The following UTRN variants were observed in gnomAD, a reference collection of about 807,000 sequenced individuals.
The protein encoded by UTRN is utrophin.
In UTRN, 283 loss-of-function variants were observed where a neutral mutation model predicts 463.9. That is an observed-to-expected ratio of 0.61 (90% CI 0.55 to 0.67). The LOEUF (loss-of-function observed/expected upper bound fraction) is 0.67, where lower values mean the gene tolerates loss of function less well. Among genes scored for constraint, UTRN ranks in the 30% least tolerant of loss-of-function variants. UTRN has a pLI of 0.00. For synonymous variants in UTRN, 1,442 were observed against 1,431.5 expected (o/e 1.01, Z -0.17); for missense variants, 3,922 against 4,084.3 (o/e 0.96, Z 1.08).
At chr6:144,815,653 G>A (rs146890894) in intron 65 of UTRN, among the ~76,000 whole-genome samples, 1,626 of 152,320 alleles carry the variant, frequency 0.011, 38 homozygotes, top group East Asian at 0.059. Context: ...AGAAGACTCA[G>A]CAAGTCTGCT....
chr6:144,824,776 G>T (rs1325283168), intron 66 of UTRN, among the ~76,000 whole-genome samples: 12 of 146,156 alleles, frequency 8.2e-5, no homozygotes, highest in African/African-American at 2.4e-4. Flanking sequence ...TTGGTGGTGG[G>T]GGGGGGTGTC....
intron 23 of UTRN, among the ~76,000 whole-genome samples, chr6:144,464,077 G>T (rs561163087): frequency 6.6e-6 from 1 of 151,852 alleles, no homozygotes; most frequent in East Asian, 1.9e-4. Flanking sequence ...TATAGATTTG[G>T]ATTTAGATGC....
At chr6:144,534,287 C>A (rs766494930) in intron 43 of UTRN, among the ~76,000 whole-genome samples, 18 of 152,196 alleles carry the variant, frequency 1.2e-4, no homozygotes, top group Non-Finnish European at 1.5e-5. Flanking sequence ...AGTCATGACT[C>A]ACCTCTTAGG....
intron 50 of UTRN, among the ~76,000 whole-genome samples, chr6:144,561,208 TATATATATATATATATATATA>T (rs1799843607): frequency 1.5e-3 from 5 of 3,346 alleles, no homozygotes; most frequent in South Asian, 0.017. Context: ...AATAACATTA[TATATATATATATATATATATA>T]TATATATATA....
intron 6 of UTRN, among the ~76,000 whole-genome samples, chr6:144,425,312 T>C (rs1262866916): frequency 6.6e-6 from 1 of 152,184 alleles, no homozygotes; most frequent in African/African-American, 2.4e-5. Flanking sequence ...GGATAGGTGA[T>C]ATCTGTTCTT....
chr6:144,708,400 G>C, intron 53 of UTRN: 2 of 630,998 alleles, frequency 3.2e-6, no homozygotes, highest in Admixed American at 4.0e-5. Flanking sequence ...TAGAGGCTTT[G>C]CCTTTGGCCT....
At chr6:144,476,607 T>C (rs920579316) in intron 25 of UTRN, among the ~76,000 whole-genome samples, 2 of 152,142 alleles carry the variant, frequency 1.3e-5, no homozygotes, top group Non-Finnish European at 2.9e-5. Flanking sequence ...TTAAATTTGA[T>C]GCTAGAAGCT....
At chr6:144,467,202 C>A (rs960051488) in intron 23 of UTRN, among the ~76,000 whole-genome samples, 8 of 152,218 alleles carry the variant, frequency 5.3e-5, no homozygotes, top group African/African-American at 1.9e-4. Context: ...CTGAAAATGT[C>A]ATGTACTTGC....
chr6:144,797,257 C>T (rs1276887793), intron 63 of UTRN, among the ~76,000 whole-genome samples: 1 of 150,384 alleles, frequency 6.6e-6, no homozygotes, highest in Non-Finnish European at 1.5e-5. Flanking sequence ...GGCGTGATCT[C>T]GGCTCACTGC....
At chr6:144,764,979 A>G (rs748499519) in intron 58 of UTRN, among the ~76,000 whole-genome samples, 36 of 147,436 alleles carry the variant, frequency 2.4e-4, no homozygotes, top group Non-Finnish European at 4.5e-4. Flanking sequence ...GCAACAACAA[A>G]TGACCTACAG....
intron 2 of UTRN, among the ~76,000 whole-genome samples, chr6:144,332,165 G>A (rs1034358813): frequency 1.3e-5 from 2 of 152,172 alleles, no homozygotes; most frequent in African/African-American, 4.8e-5. Flanking sequence ...TAGATTTTGT[G>A]CTGTTGTCTC....
chr6:144,614,736 A>G (rs1805894981), intron 51 of UTRN, among the ~76,000 whole-genome samples: 2 of 152,180 alleles, frequency 1.3e-5, no homozygotes, highest in South Asian at 2.1e-4. Flanking sequence ...GTGCTTTTGC[A>G]CAGTGGTGTT....
intron 53 of UTRN, chr6:144,708,424 T>C: frequency 1.6e-6 from 1 of 640,030 alleles, no homozygotes. Context: ...ATATTTTCCT[T>C]TCTTCTCTAG....
chr6:144,403,551 T>C (rs956049842), intron 3 of UTRN, among the ~76,000 whole-genome samples: 5 of 152,220 alleles, frequency 3.3e-5, no homozygotes, highest in African/African-American at 1.2e-4. Flanking sequence ...AAACCAAATG[T>C]TATAATTCAG....
At chr6:144,297,812 T>G (rs960358899) in intron 2 of UTRN, among the ~76,000 whole-genome samples, 1 of 152,224 alleles carries the variant, frequency 6.6e-6, no homozygotes, top group Non-Finnish European at 1.5e-5. Flanking sequence ...GTGATTCTCA[T>G]GACCTGTTAC....
Position 144,516,249 on chromosome 6 carries a change from A to G in UTRN, c.5265A>G (p.Pro1755=), listed in dbSNP as rs746755266. 7.4e-6 allele frequency: 12 copies of G among 1,613,404 alleles called. No homozygotes were observed. The highest frequency in any genetic ancestry group is 4.0e-5 in the African/African-American group (3 of 74,904). Residue 1755 remains proline (P), a synonymous_variant, in exon 38 of 75, where the codon CCA becomes CCG. Coordinates refer to ENST00000367545, the MANE Select transcript of UTRN (RefSeq NM_007124.3). ...TACAGTTGCTAATTGCTCAGGAACC[A>G]TTATACCAATGTTTGGTCACCACTG... ...KSAKLLIAQE[P]LYQCLVTTET...
chr6:144,654,382 A>T (rs1980379), intron 51 of UTRN, among the ~76,000 whole-genome samples: 17,050 of 152,198 alleles, frequency 0.11, 1,483 homozygotes, highest in East Asian at 0.51. Context: ...CTCTGTGTTT[A>T]CCCAATGTTC....
chr6:144,810,325 C>T (rs148634970), intron 65 of UTRN, among the ~76,000 whole-genome samples: 308 of 152,246 alleles, frequency 2.0e-3, no homozygotes, highest in African/African-American at 7.1e-3. Context: ...ACATCCTTTT[C>T]TCTTGGTTGT....
chr6:144,472,906 C>T (rs539220328), intron 23 of UTRN, among the ~76,000 whole-genome samples: 71 of 152,016 alleles, frequency 4.7e-4, no homozygotes, highest in African/African-American at 1.7e-3. Context: ...GTAGCTGGGA[C>T]TACAGGTGCC....
Sources: allele counts gnomAD v4.1 joint callset (sites outside exome capture counted in the v4.1 genomes callset), GRCh38; gene constraint gnomAD v4.1.1; transcripts MANE v1.5; gene names NCBI Gene and HGNC (gene_info 2026-07-23, HGNC 2026-07-21).